RNF115: variants seen among roughly 807,000 people sequenced by gnomAD.
The protein encoded by RNF115 is ring finger protein 115.
RNF115 carries 31 observed loss-of-function variants against 39.2 expected under a neutral mutation model. The observed-to-expected ratio is 0.79, with a 90% CI of 0.59 to 1.07. The LOEUF (loss-of-function observed/expected upper bound fraction) is 1.07. Among genes scored for constraint, RNF115 ranks in the 50% least tolerant of loss-of-function variants. The probability of loss-of-function intolerance (pLI) is 0.00; values close to 1 mark genes in which losing one functional copy is unlikely to be tolerated. For missense variants in RNF115, 384 were observed against 381.7 expected, an observed-to-expected ratio of 1.01 and a Z score of -0.05; for synonymous variants, 124 against 131.0, an observed-to-expected ratio of 0.95 and a Z score of 0.37.
At chr1:145,765,416 TAAAAA>T (rs71226772) in intron 4 of RNF115, among the ~76,000 whole-genome samples, 1 of 134,942 alleles carries the variant, frequency 7.4e-6, no homozygotes, top group Non-Finnish European at 1.6e-5. Context: ...GAATGATCAA[TAAAAA>T]AAAAAAAAAT....
chr1:145,779,851 CAG>C (rs1478338683), intron 3 of RNF115, among the ~76,000 whole-genome samples: 5 of 151,768 alleles, frequency 3.3e-5, no homozygotes, highest in Admixed American at 6.6e-5. Context: ...TTAGTAAAGA[CAG>C]GGTTTCATCA....
chr1:145,789,040 C>T (rs1571755507), intron 1 of RNF115, 74 bp from the exon 2 acceptor site: 3 of 905,292 alleles, frequency 3.3e-6, no homozygotes, highest in African/African-American at 3.3e-5. Context: ...TTCAGAATAA[C>T]ATGCAGTATA....
intron 1 of RNF115, among the ~76,000 whole-genome samples, chr1:145,800,046 G>A (rs1252751029): frequency 6.6e-6 from 1 of 152,182 alleles, no homozygotes; most frequent in African/African-American, 2.4e-5. Context: ...TTCTGTTAAT[G>A]TGGTATTCTC....
At position 145,741,666 on chromosome 1, in the gene RNF115, T is replaced by G. The variant is rs1473525271; in HGVS notation, c.*5200A>C. 1 of 152,304 alleles carries G rather than the reference T, an allele frequency of 6.6e-6. No individual in the cohort carries two copies. The highest frequency in any genetic ancestry group is 1.5e-5 in the Non-Finnish European group (1 of 68,072). 9.4% of individuals were successfully genotyped at this position (152,304 alleles called of 1,614,324 possible). On this transcript the variant is annotated 3_prime_UTR_variant, in exon 9 of 9. Coordinates refer to ENST00000582693, the MANE Select transcript of RNF115 (RefSeq NM_014455.4). The stretch of plus-strand genomic sequence containing the variant: ...AATTCTCAACAAGAGGACTCTATCC[T>G]ATAAGTCGTCCCCAATCCCCAGATC...
chr1:145,792,610 C>G (rs1195497093), intron 1 of RNF115, among the ~76,000 whole-genome samples: 1 of 152,042 alleles, frequency 6.6e-6, no homozygotes, highest in African/African-American at 2.4e-5. Flanking sequence ...ACACTAGAAA[C>G]AGAAACAAAT....
intron 3 of RNF115, among the ~76,000 whole-genome samples, chr1:145,776,945 T>C (rs1329110424): frequency 3.3e-5 from 5 of 152,234 alleles, no homozygotes; most frequent in Non-Finnish European, 7.3e-5. Flanking sequence ...TTTCTAATTA[T>C]AGTCTTCATC....
At position 145,754,208 on chromosome 1, in the gene RNF115, A is replaced by T. The variant is rs188818057; in HGVS notation, c.429-1159T>A. On this transcript the variant is annotated intron_variant, in intron 4 of 8. Transcript: ENST00000582693. ...TGACAAAAATTGCATATATTATGGT[A>T]TATAACATATTTTGAAATATGTATG... Among the ~76,000 whole-genome samples, 457 of 152,330 alleles carry T rather than the reference A, an allele frequency of 3.0e-3. 2 individuals are homozygous for T. The highest frequency in any genetic ancestry group is 0.01 in the Middle Eastern group (3 of 294).
intron 1 of RNF115, among the ~76,000 whole-genome samples, chr1:145,789,661 G>A (rs960322748): frequency 2.7e-5 from 4 of 148,178 alleles, no homozygotes; most frequent in African/African-American, 5.0e-5. Flanking sequence ...GCCTCCCAAA[G>A]TGCTGGGATT....
intron 1 of RNF115, among the ~76,000 whole-genome samples, chr1:145,803,129 A>G (rs72995973): frequency 0.015 from 2,280 of 152,318 alleles, 61 homozygotes; most frequent in African/African-American, 0.052. Context: ...CATTACAAGA[A>G]AGAGAAAGTT....
chr1:145,800,972 C>T (rs1246514640), intron 1 of RNF115, among the ~76,000 whole-genome samples: 1 of 151,982 alleles, frequency 6.6e-6, no homozygotes, highest in East Asian at 1.9e-4. Flanking sequence ...AGATCGAGAC[C>T]ATCCTGGCTA....
chr1:145,801,138 T>A (rs375841139), intron 1 of RNF115, among the ~76,000 whole-genome samples: 2 of 151,692 alleles, frequency 1.3e-5, no homozygotes, highest in South Asian at 2.1e-4. Flanking sequence ...GACACCGCAC[T>A]CCAGCCTGGG....
intron 1 of RNF115, among the ~76,000 whole-genome samples, chr1:145,806,894 C>T (rs371662986): frequency 9.8e-5 from 15 of 152,348 alleles, no homozygotes; most frequent in African/African-American, 3.6e-4. Flanking sequence ...CAACCTCCAC[C>T]TCCTGGGTTC....
At chr1:145,764,278 C>CA (rs1183003296) in intron 4 of RNF115, among the ~76,000 whole-genome samples, 1 of 152,246 alleles carries the variant, frequency 6.6e-6, no homozygotes, top group African/African-American at 2.4e-5. Context: ...CTCCACCTCC[C>CA]AGCCGCCTGC....
At chr1:145,755,159 T>C (rs1255039949) in intron 4 of RNF115, among the ~76,000 whole-genome samples, 1 of 151,742 alleles carries the variant, frequency 6.6e-6, no homozygotes, top group Non-Finnish European at 1.5e-5. Context: ...GGAGAATCAC[T>C]TGAACCCAGG....
At chr1:145,807,039 A>G (rs1471416707) in intron 1 of RNF115, among the ~76,000 whole-genome samples, 2 of 152,258 alleles carry the variant, frequency 1.3e-5, no homozygotes, top group African/African-American at 2.4e-5. Context: ...CTAAGACAAC[A>G]GCCCAAGTAC....
chr1:145,768,106 G>A (rs776106848), intron 4 of RNF115, among the ~76,000 whole-genome samples: 31 of 152,248 alleles, frequency 2.0e-4, no homozygotes, highest in Admixed American at 3.3e-4. Flanking sequence ...AGTGAGTGAA[G>A]GTCAGAGCCT....
At chr1:145,788,649 T>G (rs1553718465) in intron 2 of RNF115, 1 of 601,494 alleles carries the variant, frequency 1.7e-6, no homozygotes, top group Non-Finnish European at 3.1e-6. Flanking sequence ...GTACATGGAA[T>G]GCCACATACA....
At position 145,746,905 on chromosome 1, in the gene RNF115, A is replaced by C; in HGVS notation, c.876T>G (p.Phe292Leu). ...QSTEASASNR[F>L]SNDSQLHDRW... ...GGTCATGTAGCTGACTGTCATTGCT[A>C]AATCTGTTGCTTGCAGAGGCCTCAG... The change falls in exon 9 of 9, where the codon TTT becomes TTG. Residue 292 changes from phenylalanine (F) to leucine (L), a missense_variant. Transcript: ENST00000582693. 1.2e-6 allele frequency: 2 copies of C among 1,614,136 alleles called. No homozygotes were observed. The highest frequency in any genetic ancestry group is 1.7e-6 in the Non-Finnish European group (2 of 1,180,012).
At chr1:145,763,924 TC>T (rs1658638419) in intron 4 of RNF115, among the ~76,000 whole-genome samples, 1 of 119,008 alleles carries the variant, frequency 8.4e-6, no homozygotes, top group African/African-American at 3.2e-5. Flanking sequence ...CCCCATGGTC[TC>T]CCTCTCCCTC....
Sources: gnomAD v4.1 joint callset for allele counts (sites outside exome capture counted in the v4.1 genomes callset) on GRCh38, gnomAD v4.1.1 for gene constraint, MANE v1.5 for transcripts, NCBI Gene and HGNC (gene_info 2026-07-23, HGNC 2026-07-21) for gene names.